Variants in CCNY observed in about 807,000 individuals in gnomAD.
CCNY encodes the protein cyclin-Y.
A neutral mutation model predicts 42.8 loss-of-function variants in CCNY; 19 were observed. That is an observed-to-expected ratio of 0.44 (90% confidence interval 0.31 to 0.65). CCNY has a LOEUF of 0.65. Among genes scored for constraint, CCNY ranks in the 30% least tolerant of loss-of-function variants. The pLI, the probability that CCNY is intolerant of heterozygous loss-of-function variation, is 0.07. For missense variants in CCNY, 370 were observed against 437.3 expected (o/e 0.85, Z 1.37); for synonymous variants, 165 against 162.7 (o/e 1.01, Z -0.11).
chr10:35,346,544 C>T (rs139680060), intron 1 of CCNY, among the ~76,000 whole-genome samples: 38 of 152,302 alleles, frequency 2.5e-4, no homozygotes, highest in Non-Finnish European at 4.7e-4. Flanking sequence ...TGTTGCCTTG[C>T]CAGGAAGGTT....
chr10:35,475,894 A>C (rs1386030211), intron 1 of CCNY, among the ~76,000 whole-genome samples: 1 of 151,634 alleles, frequency 6.6e-6, no homozygotes, highest in African/African-American at 2.4e-5. Context: ...CAGGAAACCC[A>C]TCTCACGTGC....
At chr10:35,467,337 T>C (rs565812628) in intron 1 of CCNY, among the ~76,000 whole-genome samples, 1 of 152,354 alleles carries the variant, frequency 6.6e-6, no homozygotes, top group East Asian at 1.9e-4. Flanking sequence ...CATAGTGTTC[T>C]CAGTGAATAC....
intron 4 of CCNY, among the ~76,000 whole-genome samples, chr10:35,522,498 G>T (rs1004891567): frequency 1.3e-5 from 2 of 152,180 alleles, no homozygotes; most frequent in African/African-American, 2.4e-5. Context: ...CTCTGGGCAA[G>T]GGCAATAAGA....
At chr10:35,528,827 A>G (rs1032050009) in intron 5 of CCNY, among the ~76,000 whole-genome samples, 3 of 152,342 alleles carry the variant, frequency 2.0e-5, no homozygotes, top group African/African-American at 2.4e-5. Flanking sequence ...GTAAATTTCT[A>G]AAGCAGAAAT....
rs147123488 is a variant in CCNY, at chr10:35,326,639, G to A, written c.-9+76013G>A. Among the ~76,000 whole-genome samples, 1,188 of 152,104 alleles carry A rather than the reference G, an allele frequency of 7.8e-3. 9 individuals are homozygous for A. The highest frequency in any genetic ancestry group is 0.011 in the Non-Finnish European group (760 of 67,976). ...CTAGGCCGGGTGTGGTGGCTCACAC[G>A]TGTAATCCCAGTGCTTTGGGAGGTT... On this transcript the variant is annotated intron_variant, in intron 3 of 11. Coordinates refer to the CCNY transcript ENST00000374706.
At chr10:35,283,696 C>G (rs1055815196) in intron 3 of CCNY, among the ~76,000 whole-genome samples, 1 of 152,190 alleles carries the variant, frequency 6.6e-6, no homozygotes, top group African/African-American at 2.4e-5. Flanking sequence ...AGCCACTGCG[C>G]CCAGCCGGTA....
Position 35,569,052 on chromosome 10 carries a change from A to G in CCNY, c.910-2A>G. ...ACCCACACTGTCTTTCTTGCCCCTCAGGCCATCTCTCGCCTCTGCGAGGAC... is the reference window on the plus strand; with the variant it reads ...ACCCACACTGTCTTTCTTGCCCCTCGGGCCATCTCTCGCCTCTGCGAGGAC... On this transcript the variant is annotated splice_acceptor_variant, in intron 9 of 9. Transcript: ENST00000374704. LOFTEE classifies it high-confidence loss of function. 1.9e-6 allele frequency: 3 copies of G among 1,599,728 alleles called. No individual in the cohort carries two copies. The highest frequency in any genetic ancestry group is 2.6e-6 in the Non-Finnish European group (3 of 1,167,546).
rs12248981 is a variant in CCNY, at chr10:35,338,586, C to T, written c.154+1379C>T. 5.0e-3 allele frequency among the ~76,000 whole-genome samples: 757 copies of T among 152,220 alleles called. 8 individuals are homozygous for T. The highest frequency in any genetic ancestry group is 0.017 in the African/African-American group (722 of 41,530). ...TGATCACTTTCACAGCCTCTAGCAC[C>T]TGAAAGAAAAGTCTAGCATATAATA... is the stretch of plus-strand genomic sequence containing the variant. On this transcript the variant is annotated intron_variant, in intron 1 of 9. Transcript: ENST00000374704.
In CCNY at chr10:35,269,338, A is replaced by G. The variant is rs2095728810; in HGVS notation, c.-9+18712A>G. Among the ~76,000 whole-genome samples, 4 of 150,798 alleles carry G rather than the reference A, an allele frequency of 2.7e-5. No individual in the cohort carries two copies. In the South Asian group the frequency reaches 8.4e-4, roughly 32 times the overall value. On this transcript the variant is annotated intron_variant, in intron 3 of 11. Transcript: ENST00000374706. ...CTTGCTTTCTTTTTTGTTTTTTGAG[A>G]CAGAGTCTCACTCTGTTGCCCAGGC...
chr10:35,282,158 T>C (rs1371569691), intron 3 of CCNY, among the ~76,000 whole-genome samples: 2 of 140,874 alleles, frequency 1.4e-5, no homozygotes, highest in Non-Finnish European at 3.0e-5. Context: ...GCTCACTCTG[T>C]CACCCAGGCT....
At chr10:35,333,644 T>G (rs557351362), upstream of CCNY, among the ~76,000 whole-genome samples, 1 of 152,346 alleles carries the variant, frequency 6.6e-6, no homozygotes, top group East Asian at 1.9e-4. Flanking sequence ...GGTTTACTTA[T>G]CAAAGTGTCT....
chr10:35,258,522 C>G (rs1056856013), intron 3 of CCNY, among the ~76,000 whole-genome samples: 2 of 152,204 alleles, frequency 1.3e-5, no homozygotes, highest in Non-Finnish European at 2.9e-5. Context: ...AATCATCCAC[C>G]TGCTTCTTTT....
At chr10:35,522,032 C>T (rs566594202) in intron 4 of CCNY, among the ~76,000 whole-genome samples, 1 of 152,296 alleles carries the variant, frequency 6.6e-6, no homozygotes, top group Non-Finnish European at 1.5e-5. Flanking sequence ...ACAAAATAGA[C>T]AGCCCAGTAC....
chr10:35,472,519 C>T (rs917266094), intron 1 of CCNY, among the ~76,000 whole-genome samples: 1 of 152,158 alleles, frequency 6.6e-6, no homozygotes, highest in Non-Finnish European at 1.5e-5. Flanking sequence ...GGGACTTGAT[C>T]TCTTTCGTTA....
chr10:35,397,039 C>T (rs1837541545), intron 1 of CCNY, among the ~76,000 whole-genome samples: 1 of 152,188 alleles, frequency 6.6e-6, no homozygotes, highest in Non-Finnish European at 1.5e-5. Flanking sequence ...GCTCACGTGG[C>T]AGCTCCAGGT....
intron 1 of CCNY, among the ~76,000 whole-genome samples, chr10:35,363,178 C>T (rs956622299): frequency 2.0e-5 from 3 of 150,392 alleles, no homozygotes; most frequent in African/African-American, 7.4e-5. Context: ...TCCTCACTTC[C>T]CCGACGGGGC....
intron 3 of CCNY, among the ~76,000 whole-genome samples, chr10:35,509,404 T>G (rs1358713133): frequency 1.3e-5 from 2 of 152,064 alleles, no homozygotes; most frequent in Non-Finnish European, 2.9e-5. Flanking sequence ...GCCTCCTGAG[T>G]AGCTGGGATT....
intron 1 of CCNY, among the ~76,000 whole-genome samples, chr10:35,446,972 G>A (rs1838803791): frequency 6.6e-6 from 1 of 152,212 alleles, no homozygotes; most frequent in African/African-American, 2.4e-5. Context: ...TAGTTACCAT[G>A]TAGGTTAAAG....
chr10:35,562,679 TG>T (rs1365144620), intron 8 of CCNY, among the ~76,000 whole-genome samples: 2 of 152,178 alleles, frequency 1.3e-5, no homozygotes, highest in African/African-American at 4.8e-5. Context: ...AATACTTCAC[TG>T]GGGGTCTGTG....
Sources: allele counts gnomAD v4.1 joint callset (sites outside exome capture counted in the v4.1 genomes callset), GRCh38; gene constraint gnomAD v4.1.1; transcripts MANE v1.5; gene names NCBI Gene and HGNC (gene_info 2026-07-23, HGNC 2026-07-21).